Variants in ADAMTS16 observed in about 807,000 individuals in gnomAD.
The protein encoded by ADAMTS16 is ADAM metallopeptidase with thrombospondin type 1 motif 16, also known as A disintegrin and metalloproteinase with thrombospondin motifs 16.
In ADAMTS16, 94 loss-of-function variants were observed where a neutral mutation model predicts 145.8. The observed-to-expected ratio is 0.64, with a 90% CI of 0.55 to 0.77. The LOEUF is 0.77. Among genes scored for constraint, ADAMTS16 ranks in the 30% least tolerant of loss-of-function variants. The pLI is 0.00. For missense variants in ADAMTS16, 1,585 were observed against 1,591.5 expected, an observed-to-expected ratio of 1.00 and a Z score of 0.07; for synonymous variants, 659 against 604.3, an observed-to-expected ratio of 1.09 and a Z score of -1.33.
At chr5:5,305,922 G>C (rs1740132426) in intron 20 of ADAMTS16, among the ~76,000 whole-genome samples, 1 of 152,244 alleles carries the variant, frequency 6.6e-6, no homozygotes, top group South Asian at 2.1e-4. Context: ...TGCCTGGCCT[G>C]CTCGTTTGCA....
intron 18 of ADAMTS16, among the ~76,000 whole-genome samples, chr5:5,295,352 G>T (rs905541495): frequency 6.6e-6 from 1 of 152,146 alleles, no homozygotes; most frequent in African/African-American, 2.4e-5. Flanking sequence ...ATTTAACTTC[G>T]TTTTCATAGA....
intron 17 of ADAMTS16, among the ~76,000 whole-genome samples, chr5:5,249,776 TTGGTACCCGA>T (rs1737564740): frequency 6.6e-6 from 1 of 152,194 alleles, no homozygotes; most frequent in Non-Finnish European, 1.5e-5. Flanking sequence ...CCCTGCCCTC[TTGGTACCCGA>T]GTTCTTGTCC....
At position 5,146,250 on chromosome 5, in the gene ADAMTS16, T is replaced by G; in HGVS notation, c.296T>G (p.Leu99Arg). Residue 99 changes from leucine to arginine, a missense_variant, in exon 3 of 23, where the codon CTT becomes CGT. Physicochemically the swap from Leu to Arg is moderately radical, Grantham distance 102. Around this residue, in one of 3 missense-constraint regions of ADAMTS16, gnomAD observed 453 missense variants for 412.1 expected, o/e 1.10. Transcript: ENST00000274181. ...GTGTCCGAGGTTGAGTCTCTTCACC[T>G]TCGGCTGAAAGGCTCCAGGCACGAC... Reference protein sequence around the residue: ...VPVSEVESLHLRLKGSRHDFH... With the variant: ...VPVSEVESLHRRLKGSRHDFH... The G allele has an allele frequency of 6.2e-7, 1 of 1,614,184 alleles. No homozygotes were observed. The highest frequency in any genetic ancestry group is 8.5e-7 in the Non-Finnish European group (1 of 1,180,044).
chr5:5,250,538 C>G (rs1737589058), intron 17 of ADAMTS16, among the ~76,000 whole-genome samples: 2 of 152,148 alleles, frequency 1.3e-5, no homozygotes, highest in Admixed American at 1.3e-4. Flanking sequence ...CATGTGACAC[C>G]TGTGTGATCC....
At chr5:5,222,767 A>G (rs368402916) in intron 10 of ADAMTS16, 22 bp from the exon 11 acceptor site, 4 of 1,588,752 alleles carry the variant, frequency 2.5e-6, no homozygotes, top group Non-Finnish European at 3.5e-6. Context: ...AATCCTAATG[A>G]CCTTTTACAA....
At position 5,154,678 on chromosome 5, in the gene ADAMTS16, C is replaced by T. The variant is rs774841849; in HGVS notation, c.501+8223C>T. On this transcript the variant is annotated intron_variant, in intron 3 of 22. Coordinates refer to ENST00000274181, the MANE Select transcript of ADAMTS16 (RefSeq NM_139056.4). ...GTGGAATTCAGACAGGTCTAGGGTG[C>T]GTGTCTTCAGATTCTCTGTCCAGCG... Among the ~76,000 whole-genome samples the T allele has an allele frequency of 6.6e-5, 10 of 152,196 alleles. No individual in the cohort carries two copies. In the South Asian group the frequency reaches 1.0e-3, roughly 16 times the overall value.
chr5:5,146,312 G>A lies in ADAMTS16; in HGVS notation c.358G>A (p.Ala120Thr), dbSNP rs777481925. ...MDLRTSSSLV[A>T]PGFIVQTLGK... ...TCTGAGGACTTCCAGCAGCCTAGTG[G>A]CTCCTGGCTTTATTGTGCAGACGTT... is the stretch of plus-strand genomic sequence containing the variant. The change falls in exon 3 of 23, where the codon GCT becomes ACT. Residue 120 changes from alanine to threonine, a missense_variant. Transcript: ENST00000274181. 1 of 1,614,164 alleles carries A rather than the reference G, an allele frequency of 6.2e-7. No homozygotes were observed. Among genetic ancestry groups the A allele is most frequent in the East Asian group, 2.2e-5 (1 of 44,878 alleles).
At chr5:5,258,699 G>C (rs138770634) in intron 17 of ADAMTS16, among the ~76,000 whole-genome samples, 1 of 152,312 alleles carries the variant, frequency 6.6e-6, no homozygotes, top group Non-Finnish European at 1.5e-5. Context: ...AGAGGACATA[G>C]GAGAGGTTGC....
At chr5:5,247,807 C>T (rs985313930) in intron 17 of ADAMTS16, among the ~76,000 whole-genome samples, 1 of 152,226 alleles carries the variant, frequency 6.6e-6, no homozygotes, top group Non-Finnish European at 1.5e-5. Flanking sequence ...GAAGCCAGCC[C>T]CTGTGAAGCA....
intron 18 of ADAMTS16, among the ~76,000 whole-genome samples, chr5:5,283,109 A>G (rs1367562050): frequency 6.6e-6 from 1 of 152,134 alleles, no homozygotes; most frequent in African/African-American, 2.4e-5. Context: ...TCTAGTGTGT[A>G]TATCTCTTAT....
At chr5:5,296,872 T>C (rs1739557790) in intron 18 of ADAMTS16, among the ~76,000 whole-genome samples, 1 of 152,154 alleles carries the variant, frequency 6.6e-6, no homozygotes, top group South Asian at 2.1e-4. Context: ...ACCACCACAG[T>C]AGTTTTTAGT....
Position 5,318,298 on chromosome 5 carries a change from C to T in ADAMTS16, c.3559+17C>T. On this transcript the variant is annotated intron_variant, in intron 22 of 22. Coordinates refer to ENST00000274181, the MANE Select transcript of ADAMTS16 (RefSeq NM_139056.4). ...AGAAGAAAGGTGAGTACATGGGGCC[C>T]CTCAGCATGACCTGGGCATGGGGCT... The T allele has an allele frequency of 7.0e-7, 1 of 1,421,844 alleles. No individual in the cohort carries two copies. Among genetic ancestry groups the T allele is most frequent in the Non-Finnish European group, 9.3e-7 (1 of 1,074,560 alleles). The allele number at this position is 1,421,844 out of a possible 1,614,324, so 88.1% of individuals were successfully genotyped here. A position where few individuals can be genotyped will look rare whatever the true frequency, so the allele number is the denominator to read the frequency against.
chr5:5,231,986 C>T (rs375519330), intron 11 of ADAMTS16, among the ~76,000 whole-genome samples: 1 of 152,176 alleles, frequency 6.6e-6, no homozygotes, highest in East Asian at 1.9e-4. Context: ...TCTCTCTGTT[C>T]TGAACATGAG....
intron 17 of ADAMTS16, 27 bp downstream of exon 17, chr5:5,242,218 G>T: frequency 6.2e-7 from 1 of 1,610,428 alleles, no homozygotes. Context: ...GCTGCTCCTG[G>T]AGGCAGCATG....
rs1044691989 is a variant in ADAMTS16, at chr5:5,310,676, T to C, written c.3411+3948T>C. Reference sequence around the variant, plus strand: ...GAGGACTGCCAGCACCACCAGATTCTGCACCAGGCATGACGGGCCCTCCCT... The same window carrying C: ...GAGGACTGCCAGCACCACCAGATTCCGCACCAGGCATGACGGGCCCTCCCT... On this transcript the variant is annotated intron_variant, in intron 21 of 22. Coordinates refer to ENST00000274181, the MANE Select transcript of ADAMTS16 (RefSeq NM_139056.4). This position sits in a 1 kb window ranked among gnomAD's most constrained non-coding sequence, Gnocchi z 4.3. 3.3e-5 allele frequency among the ~76,000 whole-genome samples: 5 copies of C among 152,188 alleles called. No individual in the cohort carries two copies. The highest frequency in any genetic ancestry group is 2.6e-4 in the Admixed American group (4 of 15,280).
At chr5:5,171,284 C>T (rs1190274450) in intron 3 of ADAMTS16, among the ~76,000 whole-genome samples, 1 of 152,046 alleles carries the variant, frequency 6.6e-6, no homozygotes, top group Non-Finnish European at 1.5e-5. Context: ...TCTGATTGCT[C>T]TAATTAGGAC....
At chr5:5,230,484 A>G (rs937377822) in intron 11 of ADAMTS16, among the ~76,000 whole-genome samples, 1 of 152,198 alleles carries the variant, frequency 6.6e-6, no homozygotes, top group African/African-American at 2.4e-5. Context: ...CTTCGAAGAA[A>G]TGATTTCAAG....
intron 3 of ADAMTS16, among the ~76,000 whole-genome samples, chr5:5,149,892 TTA>T (rs1159825030): frequency 6.6e-6 from 1 of 152,226 alleles, no homozygotes; most frequent in Non-Finnish European, 1.5e-5. Flanking sequence ...TTATCCTTTT[TTA>T]TTGCTGAAGT....
At chr5:5,216,565 A>G (rs1211131241) in intron 10 of ADAMTS16, among the ~76,000 whole-genome samples, 2 of 138,756 alleles carry the variant, frequency 1.4e-5, no homozygotes, top group Non-Finnish European at 3.2e-5. Flanking sequence ...TTTTTATTGC[A>G]TTTGCTTTTG....
Sources: allele counts gnomAD v4.1 joint callset (sites outside exome capture counted in the v4.1 genomes callset), GRCh38; gene constraint gnomAD v4.1.1; regional missense constraint gnomAD v4.1.1; non-coding constraint Gnocchi (gnomAD v3.1); transcripts MANE v1.5; gene names NCBI Gene and HGNC (gene_info 2026-07-23, HGNC 2026-07-21).